The following EHMT1 variants were observed in gnomAD, a reference collection of about 807,000 sequenced individuals.
EHMT1 encodes the protein euchromatic histone lysine methyltransferase 1.
A neutral mutation model predicts 147.2 loss-of-function variants in EHMT1; 15 were observed. The observed-to-expected ratio is 0.10, with a 90% CI of 0.07 to 0.16. The LOEUF is 0.16. Ranked by LOEUF, EHMT1 falls within the 10% of genes least tolerant of loss-of-function variation. EHMT1 has a pLI of 1.00. For missense variants in EHMT1, 1,587 were observed against 1,772.4 expected, an observed-to-expected ratio of 0.90 and a Z score of 1.88; for synonymous variants, 795 against 709.6, an observed-to-expected ratio of 1.12 and a Z score of -1.91.
At chr9:137,791,753 A>T (rs1296120667) in intron 16 of EHMT1, among the ~76,000 whole-genome samples, 2 of 151,848 alleles carry the variant, frequency 1.3e-5, no homozygotes, top group African/African-American at 4.9e-5. Context: ...TGTTTTTTTG[A>T]GACAGTCTTG....
rs922696149 is a variant in EHMT1 at position 137,666,791 on chromosome 9, A to T, written c.22-44176A>T. Among the ~76,000 whole-genome samples, 13 of 152,328 alleles carry T rather than the reference A, an allele frequency of 8.5e-5. 1 individual carries two copies. The East Asian group carries it at 2.5e-3, about 29-fold the overall frequency. ...GGTGAGGAGGGTAGAGAGGCAGCAG[A>T]GTCTCCACTTGGATTTTCTAAGCAA... On this transcript the variant is annotated intron_variant, in intron 1 of 26. Coordinates refer to ENST00000460843, the MANE Select transcript of EHMT1 (RefSeq NM_024757.5).
chr9:137,698,508 G>A (rs1943579510), intron 1 of EHMT1, among the ~76,000 whole-genome samples: 1 of 152,178 alleles, frequency 6.6e-6, no homozygotes, highest in Admixed American at 6.5e-5. Context: ...GATTTTTAAA[G>A]CTAGTGAGCA....
At chr9:137,666,637 T>C (rs916956606) in intron 1 of EHMT1, among the ~76,000 whole-genome samples, 6 of 152,222 alleles carry the variant, frequency 3.9e-5, no homozygotes, top group African/African-American at 9.6e-5. Context: ...GAGGATGGCA[T>C]TGACCACTCA....
intron 4 of EHMT1, among the ~76,000 whole-genome samples, chr9:137,729,872 C>T (rs1414502614): frequency 1.3e-5 from 2 of 152,128 alleles, no homozygotes; most frequent in African/African-American, 2.4e-5. Flanking sequence ...GGAAGTATAC[C>T]GCGACGCCGC....
At chr9:137,747,910 C>A (rs536829083) in intron 6 of EHMT1, 31 of 151,428 alleles carry the variant, frequency 2.0e-4, no homozygotes, top group African/African-American at 4.4e-4. Context: ...AAGTGCTAAC[C>A]CTGTAGGATG....
Position 137,828,031 on chromosome 9 carries a change from C to T in EHMT1, c.3541-6318C>T, listed in dbSNP as rs887484553. The stretch of plus-strand genomic sequence containing the variant: ...GCTCCTTGTGCCAGCCGACAGGGTG[C>T]GACGGGGTGGTCGGCCCGGCTGCCA... On this transcript the variant is annotated intron_variant, in intron 25 of 26. Coordinates refer to ENST00000460843, the MANE Select transcript of EHMT1 (RefSeq NM_024757.5). This position sits in a 1 kb window ranked among gnomAD's most constrained non-coding sequence, Gnocchi z 5.3. Among the ~76,000 whole-genome samples the T allele has an allele frequency of 7.9e-5, 12 of 152,116 alleles. No homozygotes were observed. The highest frequency in any genetic ancestry group is 1.7e-4 in the African/African-American group (7 of 41,406).
chr9:137,734,481 C>T (rs1056363913), intron 4 of EHMT1, among the ~76,000 whole-genome samples: 4 of 152,110 alleles, frequency 2.6e-5, no homozygotes, highest in African/African-American at 9.7e-5. Context: ...GTGAGCAGAG[C>T]CTGGGGACCT....
At chr9:137,620,247 C>A (rs1188113411) in intron 1 of EHMT1, among the ~76,000 whole-genome samples, 2 of 152,108 alleles carry the variant, frequency 1.3e-5, no homozygotes, top group Non-Finnish European at 2.9e-5. Flanking sequence ...TAGAAAATTT[C>A]AAGTCACTTC....
intron 13 of EHMT1, among the ~76,000 whole-genome samples, chr9:137,778,538 C>T (rs758138508): frequency 9.9e-5 from 15 of 152,206 alleles, no homozygotes; most frequent in Admixed American, 4.6e-4. Context: ...GTGAGGCTTG[C>T]GGTGCCTCCT....
In EHMT1 at chr9:137,717,200, C is replaced by T. The variant is rs749902596; in HGVS notation, c.642+18C>T. The T allele has an allele frequency of 3.7e-6, 6 of 1,610,186 alleles. No homozygotes were observed. In the African/African-American group the frequency reaches 6.7e-5, roughly 18 times the overall value. On this transcript the variant is annotated intron_variant, in intron 3 of 26. Coordinates refer to ENST00000460843, the MANE Select transcript of EHMT1 (RefSeq NM_024757.5). ...TGGGCCTGGTAATTTTGTGTCTTCT[C>T]TTGCTGTTTCCTTTTTCCCATCTCT...
intron 18 of EHMT1, among the ~76,000 whole-genome samples, chr9:137,809,951 C>T (rs933076155): frequency 7.9e-6 from 1 of 126,388 alleles, no homozygotes; most frequent in African/African-American, 4.9e-5. Context: ...GGTTCCGATG[C>T]CGCCCTGTGT....
intron 25 of EHMT1, among the ~76,000 whole-genome samples, chr9:137,821,664 T>C (rs887712652): frequency 7.2e-5 from 11 of 152,134 alleles, no homozygotes; most frequent in African/African-American, 2.7e-4. Context: ...TTCTTTTTGG[T>C]CTTCATGTAA....
At position 137,757,955 on chromosome 9, in the gene EHMT1, T is replaced by C; in HGVS notation, c.1445T>C (p.Val482Ala). The C allele has an allele frequency of 1.2e-6, 2 of 1,613,994 alleles. No individual in the cohort carries two copies. The highest frequency in any genetic ancestry group is 1.7e-6 in the Non-Finnish European group (2 of 1,180,006). ...APGDSTGYME[V>A]SLDSLDLRVK... is the part of the protein sequence containing the mutation. The stretch of plus-strand genomic sequence containing the variant: ...GGAGACAGCACAGGGTACATGGAAG[T>C]TTCTCTGGACTCCCTGGATCTCCGA... Residue 482 changes from valine (V) to alanine (A), a missense_variant, in exon 9 of 27, where the codon GTT (valine) becomes GCT (alanine). By Grantham distance (64) the Val-to-Ala change is moderately conservative. Coordinates refer to ENST00000460843, the MANE Select transcript of EHMT1 (RefSeq NM_024757.5).
intron 18 of EHMT1, among the ~76,000 whole-genome samples, chr9:137,810,223 G>A (rs908566045): frequency 6.8e-6 from 1 of 147,068 alleles, no homozygotes; most frequent in Non-Finnish European, 1.5e-5. Context: ...GTCCGGAGGC[G>A]GTTCCGATGC....
At chr9:137,640,469 G>T (rs1046697535) in intron 1 of EHMT1, among the ~76,000 whole-genome samples, 6 of 152,078 alleles carry the variant, frequency 3.9e-5, no homozygotes, top group Middle Eastern at 3.2e-3. Context: ...TAAAGATGGG[G>T]TCTTCCTATG....
chr9:137,753,142 G>T (rs1949105284), intron 7 of EHMT1, among the ~76,000 whole-genome samples: 1 of 152,176 alleles, frequency 6.6e-6, no homozygotes, highest in African/African-American at 2.4e-5. Context: ...CTGAGGAGGA[G>T]CTGTCTGTGC....
chr9:137,767,193 C>T (rs911655860), intron 10 of EHMT1, among the ~76,000 whole-genome samples: 101 of 152,294 alleles, frequency 6.6e-4, no homozygotes, highest in African/African-American at 2.3e-3. Flanking sequence ...AGGCAGAGCT[C>T]GGTGCAGATT....
chr9:137,712,409 C>T (rs150718143), intron 2 of EHMT1, among the ~76,000 whole-genome samples: 2 of 152,314 alleles, frequency 1.3e-5, no homozygotes, highest in Middle Eastern at 3.4e-3. Context: ...TCTTGCTTTC[C>T]CTGCAGCAGT....
At chr9:137,749,420 C>T (rs118181658) in intron 6 of EHMT1, among the ~76,000 whole-genome samples, 2,807 of 152,140 alleles carry the variant, frequency 0.018, 39 homozygotes, top group Middle Eastern at 0.054. Context: ...CACAGGCATG[C>T]GCCACCATGT....
Sources: allele counts gnomAD v4.1 joint callset (sites outside exome capture counted in the v4.1 genomes callset), GRCh38; gene constraint gnomAD v4.1.1; non-coding constraint Gnocchi (gnomAD v3.1); transcripts MANE v1.5; gene names NCBI Gene and HGNC (gene_info 2026-07-23, HGNC 2026-07-21).